DIAPH3: variants seen among roughly 807,000 people sequenced by gnomAD.
DIAPH3 encodes diaphanous related formin 3.
DIAPH3 carries 117 observed loss-of-function variants against 144.3 expected under a neutral mutation model. The ratio of observed to expected loss-of-function variants is 0.81; its 90% CI spans 0.70 to 0.95. The LOEUF is 0.95. Among genes scored for constraint, DIAPH3 ranks in the 40% least tolerant of loss-of-function variants. The probability of loss-of-function intolerance (pLI) is 0.00; values close to 1 mark genes in which losing one functional copy is unlikely to be tolerated. For missense variants in DIAPH3, 1,421 were observed against 1,412.7 expected, an observed-to-expected ratio of 1.01 and a Z score of -0.09; for synonymous variants, 519 against 488.9, an observed-to-expected ratio of 1.06 and a Z score of -0.81.
chr13:59,783,387 A>T (rs946915454), intron 25 of DIAPH3, among the ~76,000 whole-genome samples: 2 of 152,242 alleles, frequency 1.3e-5, no homozygotes, highest in Non-Finnish European at 2.9e-5. Flanking sequence ...GGATCTAGAC[A>T]GGAGCTCAAT....
intron 27 of DIAPH3, among the ~76,000 whole-genome samples, chr13:59,681,895 A>T (rs2032971174): frequency 6.6e-6 from 1 of 152,202 alleles, no homozygotes; most frequent in African/African-American, 2.4e-5. Flanking sequence ...AACATTTTTA[A>T]ACTGTAAATG....
chr13:59,781,286 G>T (rs535730840), intron 25 of DIAPH3, among the ~76,000 whole-genome samples: 1 of 152,154 alleles, frequency 6.6e-6, no homozygotes, highest in Non-Finnish European at 1.5e-5. Flanking sequence ...ATTCTGAAGC[G>T]AAATTATTTC....
chr13:59,761,460 T>C (rs142631727), intron 27 of DIAPH3, among the ~76,000 whole-genome samples: 1 of 152,348 alleles, frequency 6.6e-6, no homozygotes, highest in Non-Finnish European at 1.5e-5. Context: ...TGGTACTTGA[T>C]TTTTCTCTAT....
chr13:59,726,867 T>C (rs1368062872), intron 27 of DIAPH3, among the ~76,000 whole-genome samples: 1 of 152,154 alleles, frequency 6.6e-6, no homozygotes, highest in African/African-American at 2.4e-5. Context: ...TAAAAGTGTA[T>C]AAGATTGTTG....
At chr13:59,901,620 G>A (rs912629075) in intron 20 of DIAPH3, among the ~76,000 whole-genome samples, 1 of 152,134 alleles carries the variant, frequency 6.6e-6, no homozygotes, top group Non-Finnish European at 1.5e-5. Flanking sequence ...CTAAGAGAAG[G>A]ATCATCACAT....
chr13:60,019,384 T>C (rs138675231), intron 5 of DIAPH3, among the ~76,000 whole-genome samples: 2 of 152,218 alleles, frequency 1.3e-5, no homozygotes, highest in Admixed American at 6.5e-5. Flanking sequence ...AGAAATGACA[T>C]AGAGATCAGT....
intron 24 of DIAPH3, among the ~76,000 whole-genome samples, chr13:59,831,108 T>C (rs956588263): frequency 6.6e-6 from 1 of 151,864 alleles, no homozygotes; most frequent in Non-Finnish European, 1.5e-5. Flanking sequence ...CTTCTTTATC[T>C]GCCATAGAAG....
intron 27 of DIAPH3, among the ~76,000 whole-genome samples, chr13:59,689,885 AC>A (rs1232864104): frequency 1.3e-5 from 2 of 151,912 alleles, no homozygotes; most frequent in African/African-American, 4.8e-5. Flanking sequence ...TATAATTATG[AC>A]CCTTCCAGGA....
At chr13:59,790,576 C>T (rs1479346019) in intron 25 of DIAPH3, among the ~76,000 whole-genome samples, 1 of 152,098 alleles carries the variant, frequency 6.6e-6, no homozygotes, top group Non-Finnish European at 1.5e-5. Flanking sequence ...TTATTCCTTC[C>T]ACAGTGAGAT....
chr13:59,684,884 T>C (rs1161502595), intron 27 of DIAPH3, among the ~76,000 whole-genome samples: 1 of 152,192 alleles, frequency 6.6e-6, no homozygotes, highest in Non-Finnish European at 1.5e-5. Flanking sequence ...GTTACAATGA[T>C]AAATCCTATG....
chr13:59,935,964 G>T (rs554389748), intron 17 of DIAPH3, among the ~76,000 whole-genome samples: 2 of 152,062 alleles, frequency 1.3e-5, no homozygotes, highest in African/African-American at 4.8e-5. Context: ...AGATAAATGC[G>T]TATTTCTCTT....
At position 59,685,686 on chromosome 13, in the gene DIAPH3, G is replaced by A. The variant is rs2033179256; in HGVS notation, c.3320-18840C>T. Among the ~76,000 whole-genome samples, 3 of 152,072 alleles carry A rather than the reference G, an allele frequency of 2.0e-5. No homozygotes were observed. In the South Asian group the frequency reaches 6.2e-4, roughly 32 times the overall value. On this transcript the variant is annotated intron_variant, in intron 27 of 27. Transcript: ENST00000400324. ...GATTCCTTGTTCTGTTGAAAGGGGG[G>A]ACTCTCTTGTAATACAAAGAGATGA... is the stretch of plus-strand genomic sequence containing the variant.
chr13:59,791,768 C>T (rs2039338043), intron 25 of DIAPH3, among the ~76,000 whole-genome samples: 1 of 152,170 alleles, frequency 6.6e-6, no homozygotes, highest in South Asian at 2.1e-4. Context: ...GAGCTTTCTC[C>T]CAGAATCTGA....
intron 19 of DIAPH3, among the ~76,000 whole-genome samples, chr13:59,912,938 A>T (rs982433691): frequency 2.0e-5 from 3 of 152,182 alleles, no homozygotes; most frequent in Non-Finnish European, 4.4e-5. Flanking sequence ...ACAAAAAAAA[A>T]GTGGCATTTT....
intron 9 of DIAPH3, among the ~76,000 whole-genome samples, chr13:60,007,630 T>C (rs751883834): frequency 3.9e-5 from 6 of 152,212 alleles, no homozygotes; most frequent in Non-Finnish European, 5.9e-5. Flanking sequence ...AATTAAGTTT[T>C]AGAAGTACGG....
rs775933641 is a variant in DIAPH3 at position 59,971,004 on chromosome 13, G to A, written c.1807C>T (p.Arg603Trp). Residue 603 changes from arginine to tryptophan, a missense_variant, in exon 16 of 28, where the codon CGG becomes TGG. By Grantham distance (101) the Arg-to-Trp change is moderately radical. Coordinates refer to ENST00000400324, the MANE Select transcript of DIAPH3 (RefSeq NM_001042517.2). ...PPPPPPLPGMRMPFSGPVPPP... is the reference protein window; with the variant it reads ...PPPPPPLPGMWMPFSGPVPPP... ...GGCACAGGACCACTGAATGGCATCC[G>A]CATTCCTGGAAGTGGAGGAGGTGGT... 11 of 1,613,644 alleles carry A rather than the reference G, an allele frequency of 6.8e-6. No individual in the cohort carries two copies. The highest frequency in any genetic ancestry group is 1.7e-4 in the Middle Eastern group (1 of 6,036).
intron 20 of DIAPH3, among the ~76,000 whole-genome samples, chr13:59,895,049 C>A (rs543195557): frequency 9.4e-4 from 143 of 152,116 alleles, no homozygotes; most frequent in Non-Finnish European, 1.6e-3. Flanking sequence ...AAACTGAGAA[C>A]CCTTAAACAA....
intron 17 of DIAPH3, among the ~76,000 whole-genome samples, chr13:59,958,347 G>A (rs1429779821): frequency 6.6e-6 from 1 of 152,062 alleles, no homozygotes; most frequent in Non-Finnish European, 1.5e-5. Context: ...AAAATATGTT[G>A]TGAAACATCA....
chr13:59,967,961 C>T (rs1325931488), intron 17 of DIAPH3, among the ~76,000 whole-genome samples: 1 of 152,140 alleles, frequency 6.6e-6, no homozygotes, highest in Non-Finnish European at 1.5e-5. Context: ...TATCATAGTC[C>T]TCTGCCAGCC....
Sources: gnomAD v4.1 joint callset for allele counts (sites outside exome capture counted in the v4.1 genomes callset) on GRCh38, gnomAD v4.1.1 for gene constraint, MANE v1.5 for transcripts, NCBI Gene and HGNC (gene_info 2026-07-23, HGNC 2026-07-21) for gene names.